Variants in TRAPPC10 observed in about 807,000 individuals in gnomAD.
TRAPPC10 encodes the protein TRAPP 130 kDa subunit.
Under a neutral mutation model 125.5 loss-of-function variants are expected in TRAPPC10, and 23 were observed. That is an observed-to-expected ratio of 0.18 (90% CI 0.13 to 0.26). TRAPPC10 has a LOEUF of 0.26. Among genes scored for constraint, TRAPPC10 ranks in the 10% least tolerant of loss-of-function variants. The probability of loss-of-function intolerance (pLI) is 1.00; values close to 1 mark genes in which losing one functional copy is unlikely to be tolerated. For missense variants in TRAPPC10, 1,123 were observed against 1,308.4 expected (o/e 0.86, Z 2.19); for synonymous variants, 509 against 518.0 (o/e 0.98, Z 0.24).
intron 19 of TRAPPC10, among the ~76,000 whole-genome samples, chr21:44,093,300 C>A (rs2038709092): frequency 6.6e-6 from 1 of 150,924 alleles, no homozygotes; most frequent in Non-Finnish European, 1.5e-5. Flanking sequence ...TCTACAAATA[C>A]AAAAATTAGT....
At chr21:44,083,377 G>A (rs772880601) in intron 14 of TRAPPC10, 75 bp downstream of exon 14, 7 of 1,520,548 alleles carry the variant, frequency 4.6e-6, no homozygotes, top group Non-Finnish European at 6.2e-6. Context: ...ACTGTCTGGA[G>A]TGTGCTGTGA....
rs1601596337 is a variant in TRAPPC10, at chr21:44,032,421, CG to C, written c.149+250del. Among the ~76,000 whole-genome samples the C allele has an allele frequency of 4.8e-5, 6 of 125,476 alleles. No homozygotes were observed. In the East Asian group the frequency reaches 1.3e-3, roughly 28 times the overall value. 82.3% of individuals were successfully genotyped at this position (125,476 alleles called of 152,430 possible). On this transcript the variant is annotated intron_variant, in intron 2 of 22. Transcript: ENST00000291574. ...TTTTTGAGACAGAGTCTCGTTCTGT[CG>C]CCCAGGCTGGAGTGCAGTAGCGCAA...
chr21:44,047,760 A>G (rs1212321349), intron 3 of TRAPPC10, among the ~76,000 whole-genome samples: 1 of 151,870 alleles, frequency 6.6e-6, no homozygotes, highest in Non-Finnish European at 1.5e-5. Context: ...TGAGGTTTTC[A>G]TCTCTAAAAG....
At chr21:44,017,293 C>G (rs184299113) in intron 1 of TRAPPC10, among the ~76,000 whole-genome samples, 2 of 152,182 alleles carry the variant, frequency 1.3e-5, no homozygotes. Flanking sequence ...ATCTTGTACG[C>G]ATGACCTCGG....
At chr21:44,081,348 A>G (rs1201020515) in intron 13 of TRAPPC10, among the ~76,000 whole-genome samples, 1 of 151,874 alleles carries the variant, frequency 6.6e-6, no homozygotes, top group Non-Finnish European at 1.5e-5. Context: ...TTTAGTAGAG[A>G]TGGTTTTGCC....
chr21:44,014,566 C>T (rs190440583), intron 1 of TRAPPC10, among the ~76,000 whole-genome samples: 35 of 149,890 alleles, frequency 2.3e-4, no homozygotes, highest in Non-Finnish European at 5.2e-4. Flanking sequence ...CTGCCATGCC[C>T]GGCTAATTTT....
chr21:44,066,163 T>C (rs991609740), intron 7 of TRAPPC10, among the ~76,000 whole-genome samples: 10 of 152,226 alleles, frequency 6.6e-5, no homozygotes, highest in Non-Finnish European at 1.3e-4. Context: ...TTATAAAACA[T>C]GTCCTGCTAA....
rs2146125081 is a variant in TRAPPC10 at position 44,084,282 on chromosome 21, C to A, written c.2380+19C>A. The A allele has an allele frequency of 6.2e-7, 1 of 1,610,832 alleles. No individual in the cohort carries two copies. The highest frequency in any genetic ancestry group is 2.2e-5 in the East Asian group (1 of 44,800). The stretch of plus-strand genomic sequence containing the variant: ...CTGGCTGGTGAGTGGGGTCCCCAGC[C>A]TTTGAGGAGGCGTGCTGCTGGGGCA... On this transcript the variant is annotated intron_variant, in intron 15 of 22. Coordinates refer to ENST00000291574, the MANE Select transcript of TRAPPC10 (RefSeq NM_003274.5).
intron 3 of TRAPPC10, among the ~76,000 whole-genome samples, chr21:44,039,100 G>A (rs1488896627): frequency 2.0e-5 from 3 of 152,220 alleles, no homozygotes; most frequent in Non-Finnish European, 2.9e-5. Flanking sequence ...CCTCCCTGGC[G>A]TGGGGCTGTT....
intron 6 of TRAPPC10, chr21:44,062,460 G>A (rs1398933139): frequency 1.3e-6 from 1 of 777,468 alleles, no homozygotes; most frequent in Non-Finnish European, 1.6e-6. Context: ...CTTAGATAGG[G>A]CACTGGAGTG....
Position 44,036,223 on chromosome 21 carries a change from C to T in TRAPPC10, c.150-1569C>T, listed in dbSNP as rs984257029. On this transcript the variant is annotated intron_variant, in intron 2 of 22. Transcript: ENST00000291574. ...GAATCAGAGAGAAACAGAAGAAGAACCAAGTAGACAGTTTCTAACAGAACC... is the reference window on the plus strand; with the variant it reads ...GAATCAGAGAGAAACAGAAGAAGAATCAAGTAGACAGTTTCTAACAGAACC... Among the ~76,000 whole-genome samples, 3 of 152,164 alleles carry T rather than the reference C, an allele frequency of 2.0e-5. No homozygotes were observed. In the South Asian group the frequency reaches 6.2e-4, roughly 32 times the overall value.
At position 44,052,601 on chromosome 21, in the gene TRAPPC10, G is replaced by A. The variant is rs1055966809; in HGVS notation, c.482+125G>A. 6 of 884,660 alleles carry A rather than the reference G, an allele frequency of 6.8e-6. No individual in the cohort carries two copies. In the East Asian group the frequency reaches 1.6e-4, roughly 24 times the overall value. 54.8% of individuals were successfully genotyped at this position (884,660 alleles called of 1,614,324 possible). Reference sequence around the variant, plus strand: ...GTGAGTGTCCATGGGGTGCTGTCAAGGAGACCTGGTGCCTGTCCTTGTGGA... The same window carrying A: ...GTGAGTGTCCATGGGGTGCTGTCAAAGAGACCTGGTGCCTGTCCTTGTGGA... On this transcript the variant is annotated intron_variant, in intron 4 of 22. Transcript: ENST00000291574.
Position 44,080,143 on chromosome 21 carries a change from AC to A in TRAPPC10, c.1723+17del, listed in dbSNP as rs137941529. 2.0e-3 allele frequency: 3,245 copies of A among 1,593,866 alleles called. 64 individuals carry two copies. The African/African-American group carries it at 0.038, about 19-fold the overall frequency. On this transcript the variant is annotated intron_variant, in intron 13 of 22. Coordinates refer to ENST00000291574, the MANE Select transcript of TRAPPC10 (RefSeq NM_003274.5). ...GACAGCCCAGGTAAGACCAGTTCTT[AC>A]AACTTGACTAGGAATATTTTCAAAT...
chr21:44,061,297 C>G (rs554252277), intron 6 of TRAPPC10, among the ~76,000 whole-genome samples: 2 of 152,048 alleles, frequency 1.3e-5, no homozygotes, highest in African/African-American at 4.8e-5. Context: ...CCACCAAGCC[C>G]GGCTAATTTT....
chr21:44,087,415 G>A lies in TRAPPC10; in HGVS notation c.2540-284G>A, dbSNP rs1015220594. Reference sequence around the variant, plus strand: ...TGGATCTGCGGATGAGCTGGAACGGGAGAAAGTCATGCAGGGACCTACACA... The same window carrying A: ...TGGATCTGCGGATGAGCTGGAACGGAAGAAAGTCATGCAGGGACCTACACA... On this transcript the variant is annotated intron_variant, in intron 16 of 22. Coordinates refer to ENST00000291574, the MANE Select transcript of TRAPPC10 (RefSeq NM_003274.5). This position sits in a 1 kb window ranked among gnomAD's most constrained non-coding sequence, Gnocchi z 4.6. Among the ~76,000 whole-genome samples the A allele has an allele frequency of 5.3e-5, 8 of 152,068 alleles. No individual in the cohort carries two copies. The highest frequency in any genetic ancestry group is 1.9e-4 in the African/African-American group (8 of 41,400).
intron 1 of TRAPPC10, among the ~76,000 whole-genome samples, chr21:44,014,864 T>C (rs1265438526): frequency 6.6e-6 from 1 of 152,190 alleles, no homozygotes; most frequent in Non-Finnish European, 1.5e-5. Flanking sequence ...ATGATCACTT[T>C]AAAAGTGAAG....
In TRAPPC10 at chr21:44,094,109, G is replaced by GGA; in HGVS notation, c.3045_3046dup (p.Thr1016ArgfsTer29). 6.2e-7 allele frequency: 1 copy of GGA among 1,614,076 alleles called. No individual in the cohort carries two copies. The highest frequency in any genetic ancestry group is 8.5e-7 in the Non-Finnish European group (1 of 1,179,982). ...GTGTTCTTCGTCTGGGAACTCAAGT[G>GGA]GACAGAAGAGCCTCCCCCTTCTCTG... On this transcript the variant is annotated frameshift_variant, in exon 20 of 23. Coordinates refer to ENST00000291574, the MANE Select transcript of TRAPPC10 (RefSeq NM_003274.5). LOFTEE classifies it high-confidence loss of function.
intron 11 of TRAPPC10, 24 bp downstream of exon 11, chr21:44,077,808 T>C (rs892275028): frequency 6.5e-7 from 1 of 1,550,124 alleles, no homozygotes; most frequent in Non-Finnish European, 8.9e-7. Flanking sequence ...TACTTTTCTT[T>C]GAATTCTAAA....
rs1474700433 is a variant in TRAPPC10 at position 44,063,959 on chromosome 21, T to C, written c.1038+174T>C. Among the ~76,000 whole-genome samples the C allele has an allele frequency of 6.6e-6, 1 of 152,204 alleles. No homozygotes were observed. Among genetic ancestry groups the C allele is most frequent in the Non-Finnish European group, 1.5e-5 (1 of 68,018 alleles). ...GTTACTTTTTACGTTGATAAATTGC[T>C]CAAAAATAGAACTCTGTTCTCAACA... On this transcript the variant is annotated intron_variant, in intron 7 of 22. Transcript: ENST00000291574. The surrounding 1 kb of genome is among the most constrained non-coding windows in gnomAD (Gnocchi z 4.4).
Sources: allele counts gnomAD v4.1 joint callset (sites outside exome capture counted in the v4.1 genomes callset), GRCh38; gene constraint gnomAD v4.1.1; non-coding constraint Gnocchi (gnomAD v3.1); transcripts MANE v1.5; gene names NCBI Gene and HGNC (gene_info 2026-07-23, HGNC 2026-07-21).